Variants in RFWD3 observed in about 807,000 individuals in gnomAD.
The protein encoded by RFWD3 is E3 ubiquitin-protein ligase RFWD3.
A neutral mutation model predicts 87.7 loss-of-function variants in RFWD3; 65 were observed. The ratio of observed to expected loss-of-function variants is 0.74; its 90% CI spans 0.61 to 0.91. The LOEUF is 0.91. RFWD3 is among the 40% of genes least tolerant of loss of function. The pLI, the probability that RFWD3 is intolerant of heterozygous loss-of-function variation, is 0.00. For synonymous variants in RFWD3, 433 were observed against 352.8 expected, an observed-to-expected ratio of 1.23 and a Z score of -2.55; for missense variants, 1,078 against 938.5, an observed-to-expected ratio of 1.15 and a Z score of -1.94.
chr16:74,649,048 C>A (rs1960380014), intron 4 of RFWD3, 84 bp downstream of exon 4: 1 of 871,996 alleles, frequency 1.1e-6, no homozygotes, highest in Non-Finnish European at 1.7e-6. Context: ...CACCACTGCA[C>A]TCTAGCCTGG....
intron 9 of RFWD3, among the ~76,000 whole-genome samples, chr16:74,631,395 C>T (rs1480576409): frequency 6.6e-6 from 1 of 151,846 alleles, no homozygotes; most frequent in Non-Finnish European, 1.5e-5. Flanking sequence ...TCACTTGAAC[C>T]CTGGGATGCG....
At chr16:74,632,382 A>T in intron 9 of RFWD3, 141 bp downstream of exon 9, 45 of 815,008 alleles carry the variant, frequency 5.5e-5, no homozygotes, top group Middle Eastern at 3.8e-4. Flanking sequence ...ACAGAGCGAG[A>T]CTCCATCTCA....
At chr16:74,627,164 C>G (rs1827347738) in intron 11 of RFWD3, among the ~76,000 whole-genome samples, 1 of 152,188 alleles carries the variant, frequency 6.6e-6, no homozygotes, top group African/African-American at 2.4e-5. Context: ...TCAAACAAAA[C>G]TTAAAAACAT....
chr16:74,650,863 T>C (rs1960509265), intron 3 of RFWD3, among the ~76,000 whole-genome samples: 1 of 150,768 alleles, frequency 6.6e-6, no homozygotes, highest in Non-Finnish European at 1.5e-5. Context: ...GGGGACAGAG[T>C]GTAACCCTGT....
chr16:74,655,455 G>A (rs1207156056), intron 2 of RFWD3, among the ~76,000 whole-genome samples: 1 of 151,134 alleles, frequency 6.6e-6, no homozygotes, highest in Non-Finnish European at 1.5e-5. Context: ...CACCCTGTTA[G>A]CCAGGATGGT....
chr16:74,650,904 C>A lies in RFWD3; in HGVS notation c.721+1016G>T, dbSNP rs565144408. 4.0e-5 allele frequency among the ~76,000 whole-genome samples: 6 copies of A among 151,094 alleles called. No individual in the cohort carries two copies. In the East Asian group the frequency reaches 7.8e-4, roughly 20 times the overall value. On this transcript the variant is annotated intron_variant, in intron 3 of 12. Coordinates refer to ENST00000361070, the MANE Select transcript of RFWD3 (RefSeq NM_018124.4). ...AAAAAACAAATGAAAAAAAAAACAA[C>A]AAAAAAACCCACTTCATCAACTATC...
chr16:74,626,290 A>G, intron 12 of RFWD3, 53 bp downstream of exon 12: 1 of 1,531,044 alleles, frequency 6.5e-7, no homozygotes, highest in Non-Finnish European at 9.0e-7. Flanking sequence ...TCCCTTACCA[A>G]TATTTTAAGC....
intron 1 of RFWD3, among the ~76,000 whole-genome samples, chr16:74,666,060 C>A (rs1161055531): frequency 6.7e-6 from 1 of 148,842 alleles, no homozygotes; most frequent in Non-Finnish European, 1.5e-5. Context: ...GAGGGAGAGG[C>A]GGAGGGGGAA....
chr16:74,654,568 C>A (rs1395454091), intron 2 of RFWD3, among the ~76,000 whole-genome samples: 1 of 152,096 alleles, frequency 6.6e-6, no homozygotes, highest in East Asian at 1.9e-4. Flanking sequence ...CAGTTAGTAA[C>A]TCTACAATGG....
intron 6 of RFWD3, among the ~76,000 whole-genome samples, chr16:74,641,842 C>T (rs1317540593): frequency 2.3e-5 from 3 of 132,742 alleles, no homozygotes; most frequent in African/African-American, 8.4e-5. Flanking sequence ...AGGAGAATTG[C>T]TTGAACCTGG....
intron 4 of RFWD3, among the ~76,000 whole-genome samples, chr16:74,646,869 A>G (rs1456735009): frequency 2.0e-5 from 3 of 151,986 alleles, no homozygotes; most frequent in Non-Finnish European, 2.9e-5. Context: ...TCAGGAGATC[A>G]AGACCATCCT....
At chr16:74,639,861 G>A (rs1193286577) in intron 6 of RFWD3, among the ~76,000 whole-genome samples, 1 of 152,064 alleles carries the variant, frequency 6.6e-6, no homozygotes, top group African/African-American at 2.4e-5. Flanking sequence ...ATTTTCCATG[G>A]TTTCTGATAT....
At chr16:74,648,884 G>A (rs867405653) in intron 4 of RFWD3, among the ~76,000 whole-genome samples, 22 of 152,064 alleles carry the variant, frequency 1.4e-4, no homozygotes, top group Middle Eastern at 3.2e-3. Flanking sequence ...CCAGGAGTTC[G>A]AAACCAACTG....
chr16:74,644,755 T>C lies in RFWD3; in HGVS notation c.793-20A>G. ...AGATGGCTAGATGGAAAGCAGAATA[T>C]ATTCAAATTAGAGAAAATGTAAAAT... is the stretch of plus-strand genomic sequence containing the variant. On this transcript the variant is annotated intron_variant, in intron 4 of 12. Transcript: ENST00000361070. 3 of 1,575,998 alleles carry C rather than the reference T, an allele frequency of 1.9e-6. No homozygotes were observed. The highest frequency in any genetic ancestry group is 4.5e-5 in the East Asian group (2 of 44,240).
At chr16:74,657,201 T>C (rs1221811076) in intron 2 of RFWD3, among the ~76,000 whole-genome samples, 1 of 152,180 alleles carries the variant, frequency 6.6e-6, no homozygotes, top group African/African-American at 2.4e-5. Flanking sequence ...CCTGCCAGGC[T>C]GTTGGTTTTT....
At chr16:74,651,230 A>G (rs945110799) in intron 3 of RFWD3, among the ~76,000 whole-genome samples, 8 of 152,190 alleles carry the variant, frequency 5.3e-5, no homozygotes, top group Non-Finnish European at 8.8e-5. Flanking sequence ...ACGACTATTA[A>G]ATAAAGTTCC....
chr16:74,630,707 T>G, intron 10 of RFWD3, 74 bp downstream of exon 10: 1 of 1,355,050 alleles, frequency 7.4e-7, no homozygotes, highest in East Asian at 2.5e-5. Flanking sequence ...GAACACCCAC[T>G]GAAGAGACGA....
At chr16:74,657,454 T>C (rs1597455032) in intron 2 of RFWD3, among the ~76,000 whole-genome samples, 1 of 151,292 alleles carries the variant, frequency 6.6e-6, no homozygotes, top group Non-Finnish European at 1.5e-5. Context: ...CCATTTTCAC[T>C]GACATCACCC....
intron 2 of RFWD3, among the ~76,000 whole-genome samples, chr16:74,658,573 G>A (rs1284993348): frequency 6.6e-6 from 1 of 152,160 alleles, no homozygotes; most frequent in African/African-American, 2.4e-5. Context: ...CCTGGGAAAG[G>A]TCATACTTCA....
Sources: allele counts gnomAD v4.1 joint callset (sites outside exome capture counted in the v4.1 genomes callset), GRCh38; gene constraint gnomAD v4.1.1; transcripts MANE v1.5; gene names NCBI Gene and HGNC (gene_info 2026-07-23, HGNC 2026-07-21).